UBR4: variants seen among roughly 807,000 people sequenced by gnomAD.
UBR4 encodes ubiquitin protein ligase E3 component n-recognin 4, also known as E3 ubiquitin-protein ligase UBR4.
Under a neutral mutation model 575.6 loss-of-function variants are expected in UBR4, and 124 were observed. That is an observed-to-expected ratio of 0.22 (90% CI 0.19 to 0.25). The LOEUF (loss-of-function observed/expected upper bound fraction) is 0.25. Among genes scored for constraint, UBR4 ranks in the 10% least tolerant of loss-of-function variants. UBR4 has a pLI of 1.00. For synonymous variants in UBR4, 2,455 were observed against 2,473.7 expected, an observed-to-expected ratio of 0.99 and a Z score of 0.22; for missense variants, 4,818 against 6,478.8, an observed-to-expected ratio of 0.74 and a Z score of 8.80.
intron 102 of UBR4, among the ~76,000 whole-genome samples, chr1:19,083,474 A>G (rs2076717834): frequency 6.6e-6 from 1 of 152,234 alleles, no homozygotes; most frequent in African/African-American, 2.4e-5. Context: ...TCTTGCTAGG[A>G]GATGGGGCCT....
Position 19,106,477 on chromosome 1 carries a change from C to T in UBR4, c.12393+92G>A, listed in dbSNP as rs2079211444. The T allele has an allele frequency of 4.7e-5, 66 of 1,408,890 alleles. No homozygotes were observed. The South Asian group carries it at 9.9e-4, about 21-fold the overall frequency. 87.3% of individuals were successfully genotyped at this position (1,408,890 alleles called of 1,614,324 possible). A position where few individuals can be genotyped will look rare whatever the true frequency, so the allele number is the denominator to read the frequency against. On this transcript the variant is annotated intron_variant, in intron 83 of 105. Transcript: ENST00000375254. ...AAGAGCAAAGAGAAAGAAGAGATGG[C>T]AGTGCAGACACATGGTGAGGGGCAG...
chr1:19,127,710 G>A lies in UBR4; in HGVS notation c.9141C>T (p.Ala3047=). The change falls in exon 63 of 106, where the codon GCC becomes GCT. Residue 3047 remains alanine (A), a synonymous_variant. Coordinates refer to ENST00000375254, the MANE Select transcript of UBR4 (RefSeq NM_020765.3). ...KDVSKKNERS[A]LNEVHLVVMR... is the part of the protein sequence containing the mutation. ...TTACTACCAGATGGACTTCATTCAG[G>A]GCGCTGCGCTCATTCTTCTTGGAGA... 6.2e-7 allele frequency: 1 copy of A among 1,614,098 alleles called. No individual in the cohort carries two copies.
chr1:19,148,474 T>C (rs2085177774), intron 50 of UBR4, 89 bp downstream of exon 50: 1 of 1,485,524 alleles, frequency 6.7e-7, no homozygotes, highest in Non-Finnish European at 9.3e-7. Flanking sequence ...ATAAATGTTC[T>C]TTAGCTTCGA....
chr1:19,194,780 C>T (rs55761028), intron 8 of UBR4, among the ~76,000 whole-genome samples: 14,613 of 151,840 alleles, frequency 0.096, 776 homozygotes, highest in Non-Finnish European at 0.12. Context: ...CCAGCCTGGG[C>T]AAAAGAGCGA....
chr1:19,143,251 GAAGGAAGGAAGAAAGAAAGAAAGA>G (rs1436585986), intron 55 of UBR4, among the ~76,000 whole-genome samples: 339 of 97,884 alleles, frequency 3.5e-3, no homozygotes, highest in East Asian at 0.031. Context: ...AGGAAGGAAG[GAAGGAAGGAAGAAAGAAAGAAAGA>G]AAGAAAGAAA....
intron 25 of UBR4, among the ~76,000 whole-genome samples, chr1:19,172,385 T>G (rs2089693995): frequency 6.6e-6 from 1 of 151,908 alleles, no homozygotes; most frequent in African/African-American, 2.4e-5. Flanking sequence ...GGCACGGTGG[T>G]GCATGCCTGT....
intron 103 of UBR4, chr1:19,080,669 G>A (rs953337550): frequency 6.6e-5 from 10 of 152,216 alleles, no homozygotes; most frequent in African/African-American, 1.9e-4. Context: ...GACTGTGTGG[G>A]GCCATTGGCA....
In UBR4 at chr1:19,150,604, G is replaced by A. The variant is rs781722183; in HGVS notation, c.7403C>T (p.Thr2468Ile). ...GTGDSDSAAPTTTSGTVLERL... is the reference protein window; with the variant it reads ...GTGDSDSAAPITTSGTVLERL... The stretch of plus-strand genomic sequence containing the variant: ...CTCCAGGACAGTTCCACTGGTCGTA[G>A]TGGGGGCAGCTGAGTCGCTATCTCC... Residue 2468 changes from threonine (T) to isoleucine (I), a missense_variant, in exon 49 of 106, where the codon ACT becomes ATT. Around this residue, in one of 29 missense-constraint regions of UBR4, gnomAD observed 340 missense variants for 375.4 expected, o/e 0.91. Transcript: ENST00000375254. 3 of 1,613,626 alleles carry A rather than the reference G, an allele frequency of 1.9e-6. No homozygotes were observed. The highest frequency in any genetic ancestry group is 3.3e-5 in the Admixed American group (2 of 60,014).
chr1:19,115,917 C>A (rs2080469235), intron 73 of UBR4, among the ~76,000 whole-genome samples: 1 of 152,094 alleles, frequency 6.6e-6, no homozygotes, highest in Admixed American at 6.5e-5. Context: ...CAAGGGAAAC[C>A]ATGACTCCAA....
At chr1:19,138,306 T>G in intron 59 of UBR4, 125 bp from the exon 60 acceptor site, 1 of 1,075,544 alleles carries the variant, frequency 9.3e-7, no homozygotes, top group South Asian at 2.7e-5. Context: ...TGGTAGCATT[T>G]TTGTCTTATA....
At chr1:19,175,417 C>T (rs888578789) in intron 20 of UBR4, among the ~76,000 whole-genome samples, 47 of 151,840 alleles carry the variant, frequency 3.1e-4, no homozygotes, top group South Asian at 1.2e-3. Context: ...AACTTACATG[C>T]TGTTTCCCTA....
chr1:19,147,043 G>A lies in UBR4; in HGVS notation c.7630-43C>T, dbSNP rs2084966391. On this transcript the variant is annotated intron_variant, in intron 51 of 105. Transcript: ENST00000375254. ...CACAGAGGGTCAGCCATAAGCAAGAGCTGGGTACAAAAGCAAAGAGGAGAG... is the reference window on the plus strand; with the variant it reads ...CACAGAGGGTCAGCCATAAGCAAGAACTGGGTACAAAAGCAAAGAGGAGAG... 2.6e-6 allele frequency: 4 copies of A among 1,531,284 alleles called. No individual in the cohort carries two copies. In the Middle Eastern group the frequency reaches 7.4e-4, roughly 283 times the overall value. The allele number at this position is 1,531,284 out of a possible 1,614,324, so 94.9% of individuals were successfully genotyped here. A position where few individuals can be genotyped will look rare whatever the true frequency, so the allele number is the denominator to read the frequency against.
chr1:19,176,857 C>A, intron 19 of UBR4, 130 bp from the exon 20 acceptor site: 2 of 1,081,890 alleles, frequency 1.8e-6, no homozygotes, highest in Admixed American at 5.4e-5. Flanking sequence ...TTCAAATATT[C>A]TGTTTTATTG....
chr1:19,182,712 G>C (rs2091118775), intron 17 of UBR4, among the ~76,000 whole-genome samples: 1 of 151,872 alleles, frequency 6.6e-6, no homozygotes, highest in South Asian at 2.1e-4. Context: ...AAACATAATG[G>C]AATATCATAC....
intron 17 of UBR4, among the ~76,000 whole-genome samples, chr1:19,183,022 C>T (rs868012368): frequency 3.2e-4 from 48 of 152,150 alleles, no homozygotes; most frequent in South Asian, 4.1e-4. Context: ...TGGAAGTTCA[C>T]AGTCAACGTC....
At position 19,110,288 on chromosome 1, in the gene UBR4, G is replaced by A. The variant is rs539823783; in HGVS notation, c.11978-65C>T. ...ACTACACATCTGCTCTGCAGAGGCC[G>A]CCCAAGCATCAGTTTCCCTCCTCCC... On this transcript the variant is annotated intron_variant, in intron 80 of 105. Coordinates refer to ENST00000375254, the MANE Select transcript of UBR4 (RefSeq NM_020765.3). This position sits in a 1 kb window ranked among gnomAD's most constrained non-coding sequence, Gnocchi z 4.5. 129 of 1,612,896 alleles carry A rather than the reference G, an allele frequency of 8.0e-5. No homozygotes were observed. The highest frequency in any genetic ancestry group is 4.1e-4 in the South Asian group (37 of 91,010).
At chr1:19,148,185 T>C in intron 50 of UBR4, 58 bp from the exon 51 acceptor site, 1 of 1,549,868 alleles carries the variant, frequency 6.5e-7, no homozygotes, top group Non-Finnish European at 8.7e-7. Flanking sequence ...CAGAATGAAC[T>C]ATCTACACTC....
Position 19,141,398 on chromosome 1 carries a change from C to G in UBR4, c.8437G>C (p.Glu2813Gln). 6.2e-7 allele frequency: 1 copy of G among 1,614,234 alleles called. No individual in the cohort carries two copies. Among genetic ancestry groups the G allele is most frequent in the Non-Finnish European group, 8.5e-7 (1 of 1,180,036 alleles). ...GCAATGGCTAGTTCAACCATGGTCT[C>G]GTCATCTGCATCAGGTGGGATGTCC... Reference protein sequence around the residue: ...MLDIPPDADDETMVELAIALS... With the variant: ...MLDIPPDADDQTMVELAIALS... Residue 2813 changes from glutamate to glutamine, a missense_variant, in exon 57 of 106, where the codon GAG (glutamate) becomes CAG (glutamine). Physicochemically the swap from Glu to Gln is conservative, Grantham distance 29. Transcript: ENST00000375254.
intron 35 of UBR4, among the ~76,000 whole-genome samples, 160 bp downstream of exon 35, chr1:19,162,260 C>CA (rs1204434554): frequency 6.6e-6 from 1 of 152,210 alleles, no homozygotes; most frequent in Non-Finnish European, 1.5e-5. Context: ...ATTAGATCCC[C>CA]ATGCCTTGCT....
Sources: allele counts gnomAD v4.1 joint callset (sites outside exome capture counted in the v4.1 genomes callset), GRCh38; gene constraint gnomAD v4.1.1; regional missense constraint gnomAD v4.1.1; non-coding constraint Gnocchi (gnomAD v3.1); transcripts MANE v1.5; gene names NCBI Gene and HGNC (gene_info 2026-07-23, HGNC 2026-07-21).